The following ZC3H12B variants were observed in gnomAD, a reference collection of about 807,000 sequenced individuals.
ZC3H12B encodes the protein zinc finger CCCH-type containing 12B.
A neutral mutation model predicts 43.9 loss-of-function variants in ZC3H12B; 7 were observed. The ratio of observed to expected loss-of-function variants is 0.16; its 90% CI spans 0.09 to 0.30. The LOEUF (loss-of-function observed/expected upper bound fraction) is 0.30. ZC3H12B is among the 10% of genes least tolerant of loss of function. The pLI, the probability that ZC3H12B is intolerant of heterozygous loss-of-function variation, is 1.00. For synonymous variants in ZC3H12B, 222 were observed against 241.7 expected, an observed-to-expected ratio of 0.92 and a Z score of 0.76; for missense variants, 475 against 670.2, an observed-to-expected ratio of 0.71 and a Z score of 3.22.
At chrX:65,322,478 A>T in the ZC3H12B span, among the ~76,000 whole-genome samples, 2 of 112,399 alleles carry the variant, frequency 1.8e-5, no homozygotes, top group Admixed American at 1.9e-4. Flanking sequence ...ACATTCCTAA[A>T]CAACATTTAT....
chrX:65,430,711 T>C (rs1180668865), intron 3 of ZC3H12B, among the ~76,000 whole-genome samples: 1 of 110,291 alleles, frequency 9.1e-6, no homozygotes, highest in Non-Finnish European at 1.9e-5. Flanking sequence ...CCATGGTGTA[T>C]ATGTGCCACA....
At chrX:65,195,399 C>G in the ZC3H12B span, among the ~76,000 whole-genome samples, 5 of 111,571 alleles carry the variant, frequency 4.5e-5, no homozygotes, top group Non-Finnish European at 1.9e-5. Context: ...AAATTGATGA[C>G]AAATTGGCAC....
the ZC3H12B span, among the ~76,000 whole-genome samples, chrX:65,097,740 A>C: frequency 8.9e-6 from 1 of 112,142 alleles, no homozygotes; most frequent in African/African-American, 3.2e-5. Context: ...TTTTCATCTA[A>C]TAACATGATA....
At chrX:65,394,549 C>T (rs150653975) in intron 2 of ZC3H12B, among the ~76,000 whole-genome samples, 1,609 of 111,631 alleles carry the variant, frequency 0.014, 14 homozygotes, top group Non-Finnish European at 0.023. Flanking sequence ...GTGTCCGGTT[C>T]CATTGGTCTA....
At chrX:65,430,719 A>G (rs1268676290) in intron 3 of ZC3H12B, among the ~76,000 whole-genome samples, 5 of 110,128 alleles carry the variant, frequency 4.5e-5, no homozygotes, top group Non-Finnish European at 9.5e-5. Context: ...TATATGTGCC[A>G]CATTTTCTTA....
chrX:65,203,482 T>C, the ZC3H12B span, among the ~76,000 whole-genome samples: 1 of 110,543 alleles, frequency 9.0e-6, no homozygotes, highest in Admixed American at 9.8e-5. Flanking sequence ...TTCTTCAAGG[T>C]GGCACATTCC....
the ZC3H12B span, among the ~76,000 whole-genome samples, chrX:65,171,628 G>C: frequency 2.7e-5 from 3 of 111,541 alleles, no homozygotes; most frequent in Non-Finnish European, 5.7e-5. Context: ...CAGCTATGCT[G>C]TGCCCCCAGA....
the ZC3H12B span, among the ~76,000 whole-genome samples, chrX:65,094,021 G>C: frequency 9.0e-6 from 1 of 110,676 alleles, no homozygotes; most frequent in African/African-American, 3.3e-5. Flanking sequence ...GGAGTGGATT[G>C]TTAGCACCAT....
intron 1 of ZC3H12B, among the ~76,000 whole-genome samples, chrX:65,368,408 T>A (rs1361967558): frequency 8.9e-6 from 1 of 111,982 alleles, no homozygotes; most frequent in Admixed American, 9.5e-5. Context: ...TCATAGGATA[T>A]ATATAAAAAC....
At chrX:65,149,978 C>A in the ZC3H12B span, among the ~76,000 whole-genome samples, 1 of 109,476 alleles carries the variant, frequency 9.1e-6, no homozygotes, top group East Asian at 2.8e-4. Flanking sequence ...TCCTTAAGTA[C>A]CTGACTTTAT....
At chrX:65,165,834 T>A in the ZC3H12B span, among the ~76,000 whole-genome samples, 1 of 112,048 alleles carries the variant, frequency 8.9e-6, no homozygotes, top group African/African-American at 3.2e-5. Context: ...CTTGGTCAAA[T>A]GGTATTTCTG....
chrX:65,082,291 A>G, the ZC3H12B span, among the ~76,000 whole-genome samples: 20 of 111,959 alleles, frequency 1.8e-4, no homozygotes, highest in Middle Eastern at 4.6e-3. Context: ...AATGAATAAA[A>G]TTGAAATGAA....
chrX:65,085,924 G>A, the ZC3H12B span, among the ~76,000 whole-genome samples: 1 of 110,913 alleles, frequency 9.0e-6, no homozygotes, highest in Non-Finnish European at 1.9e-5. Context: ...CACAAACAAG[G>A]ACATTCTCCT....
the ZC3H12B span, among the ~76,000 whole-genome samples, chrX:65,045,912 C>T: frequency 1.8e-5 from 2 of 111,645 alleles, no homozygotes; most frequent in African/African-American, 6.5e-5. Context: ...TTGTACACAT[C>T]CATCAGAGCT....
chrX:65,098,408 G>A, the ZC3H12B span, among the ~76,000 whole-genome samples: 1 of 111,321 alleles, frequency 9.0e-6, no homozygotes, highest in South Asian at 3.8e-4. Flanking sequence ...GAGACTGACT[G>A]ATAGGGGATA....
the ZC3H12B span, among the ~76,000 whole-genome samples, chrX:65,129,251 A>T: frequency 2.2e-5 from 2 of 89,118 alleles, no homozygotes; most frequent in African/African-American, 1.5e-4. Context: ...GTATGTGTGT[A>T]TATATGTATA....
chrX:65,248,761 G>A, the ZC3H12B span, among the ~76,000 whole-genome samples: 1 of 111,663 alleles, frequency 9.0e-6, no homozygotes, highest in Non-Finnish European at 1.9e-5. Context: ...TTGATTTTTT[G>A]ATTATGGCCA....
chrX:65,083,040 G>C, the ZC3H12B span, among the ~76,000 whole-genome samples: 1 of 110,997 alleles, frequency 9.0e-6, no homozygotes, highest in African/African-American at 3.3e-5. Flanking sequence ...TGCAGAAAAA[G>C]CATGTGATAA....
the ZC3H12B span, among the ~76,000 whole-genome samples, chrX:65,050,859 A>T: frequency 1.6e-4 from 18 of 111,571 alleles, no homozygotes; most frequent in African/African-American, 5.8e-4. Context: ...ATCTATGCTT[A>T]TCAAATATAT....
Sources: allele counts gnomAD v4.1 joint callset (sites outside exome capture counted in the v4.1 genomes callset), GRCh38; gene constraint gnomAD v4.1.1; transcripts MANE v1.5; gene names NCBI Gene and HGNC (gene_info 2026-07-23, HGNC 2026-07-21).